Variants in GREB1L observed in about 807,000 individuals in gnomAD.
GREB1L encodes the protein GREB1-like protein.
In GREB1L, 17 loss-of-function variants were observed where a neutral mutation model predicts 200.8. That is an observed-to-expected ratio of 0.08 (90% confidence interval 0.06 to 0.13). The LOEUF is 0.13. GREB1L is among the 10% of genes least tolerant of loss of function. GREB1L has a pLI of 1.00. For synonymous variants in GREB1L, 789 were observed against 893.0 expected (o/e 0.88, Z 2.08); for missense variants, 1,657 against 2,367.7 (o/e 0.70, Z 6.23).
At chr18:21,280,819 A>G (rs2038256475) in intron 1 of GREB1L, among the ~76,000 whole-genome samples, 1 of 152,164 alleles carries the variant, frequency 6.6e-6, no homozygotes, top group Non-Finnish European at 1.5e-5. Flanking sequence ...AGAAGCTGTA[A>G]TCCATGCTTT....
intron 1 of GREB1L, among the ~76,000 whole-genome samples, chr18:21,321,960 A>G (rs2038958149): frequency 6.6e-6 from 1 of 152,232 alleles, no homozygotes; most frequent in Non-Finnish European, 1.5e-5. Flanking sequence ...GGAACATTCC[A>G]CATAAGGATG....
At chr18:21,482,831 C>T (rs190377788) in intron 17 of GREB1L, among the ~76,000 whole-genome samples, 69 of 152,026 alleles carry the variant, frequency 4.5e-4, no homozygotes, top group African/African-American at 1.5e-3. Context: ...CCTTCCACAG[C>T]GGGGAGTTTG....
At chr18:21,505,162 G>C (rs547653897) in intron 23 of GREB1L, among the ~76,000 whole-genome samples, 2 of 152,172 alleles carry the variant, frequency 1.3e-5, no homozygotes, top group South Asian at 2.1e-4. Context: ...TGGAGACTAG[G>C]TTATCTTACA....
At chr18:21,288,225 A>C (rs2038390024) in intron 1 of GREB1L, among the ~76,000 whole-genome samples, 1 of 152,142 alleles carries the variant, frequency 6.6e-6, no homozygotes, top group Admixed American at 6.5e-5. Flanking sequence ...AAATAGCCCC[A>C]AAAGCTTTTT....
intron 7 of GREB1L, among the ~76,000 whole-genome samples, chr18:21,417,674 C>T (rs560912349): frequency 4.6e-5 from 7 of 151,958 alleles, no homozygotes; most frequent in African/African-American, 1.2e-4. Flanking sequence ...GATGAAAATC[C>T]GAATCTTTAC....
chr18:21,481,423 G>T (rs2035908482), intron 17 of GREB1L, among the ~76,000 whole-genome samples: 1 of 148,806 alleles, frequency 6.7e-6, no homozygotes, highest in African/African-American at 2.5e-5. Context: ...GGATTTTTGA[G>T]CAACAGTATA....
chr18:21,435,168 G>C (rs998863661), intron 7 of GREB1L: 1 of 152,620 alleles, frequency 6.6e-6, no homozygotes, highest in Non-Finnish European at 1.5e-5. Context: ...GAAGAAAACA[G>C]AAGCTGCCTC....
At chr18:21,467,375 G>A (rs1248327005) in intron 15 of GREB1L, among the ~76,000 whole-genome samples, 2 of 152,108 alleles carry the variant, frequency 1.3e-5, no homozygotes, top group African/African-American at 2.4e-5. Context: ...CAATATTCAA[G>A]GACCTGTTAC....
At chr18:21,272,645 A>G (rs927125349) in intron 1 of GREB1L, among the ~76,000 whole-genome samples, 1 of 152,222 alleles carries the variant, frequency 6.6e-6, no homozygotes, top group African/African-American at 2.4e-5. Context: ...CTCTCCAGAC[A>G]ATAAGCAGCT....
rs757355788 is a variant in GREB1L, at chr18:21,485,601, G to A, written c.2557-19G>A. The A allele has an allele frequency of 1.6e-5, 24 of 1,547,792 alleles. No individual in the cohort carries two copies. The highest frequency in any genetic ancestry group is 2.0e-5 in the Non-Finnish European group (23 of 1,145,410). ...TGTATCCTGTCCTCATTGGGTTTTTGCTCTGTATTTTGAACCAGGAGGACG... is the reference window on the plus strand; with the variant it reads ...TGTATCCTGTCCTCATTGGGTTTTTACTCTGTATTTTGAACCAGGAGGACG... On this transcript the variant is annotated intron_variant, in intron 17 of 32. Transcript: ENST00000424526.
At chr18:21,520,017 A>G (rs1598965344) in intron 31 of GREB1L, among the ~76,000 whole-genome samples, 1 of 151,544 alleles carries the variant, frequency 6.6e-6, no homozygotes, top group East Asian at 1.9e-4. Context: ...GCTCAGTGCA[A>G]CCTCCACCTC....
chr18:21,420,900 T>C (rs2032093108), intron 7 of GREB1L, among the ~76,000 whole-genome samples: 1 of 152,136 alleles, frequency 6.6e-6, no homozygotes, highest in Non-Finnish European at 1.5e-5. Flanking sequence ...CTATAACAGG[T>C]GAATGGATAA....
intron 5 of GREB1L, among the ~76,000 whole-genome samples, chr18:21,397,658 GC>G (rs2041141010): frequency 1.3e-5 from 2 of 152,082 alleles, no homozygotes; most frequent in South Asian, 4.1e-4. Flanking sequence ...CCAAGATGGC[GC>G]CCCTGCACTC....
intron 1 of GREB1L, among the ~76,000 whole-genome samples, chr18:21,319,718 G>A (rs2038923852): frequency 6.6e-6 from 1 of 152,204 alleles, no homozygotes; most frequent in Non-Finnish European, 1.5e-5. Flanking sequence ...CCAGGGCATG[G>A]GTAGAGGCTT....
chr18:21,448,055 C>T (rs915396744), intron 11 of GREB1L, among the ~76,000 whole-genome samples: 21 of 151,114 alleles, frequency 1.4e-4, no homozygotes, highest in Non-Finnish European at 2.4e-4. Context: ...CCAGATACTC[C>T]GGAGGCTGAG....
At chr18:21,276,078 C>T (rs768687455) in intron 1 of GREB1L, among the ~76,000 whole-genome samples, 2 of 152,176 alleles carry the variant, frequency 1.3e-5, no homozygotes, top group Non-Finnish European at 2.9e-5. Flanking sequence ...TCCTCATTCT[C>T]ATTCTGTTTT....
chr18:21,312,128 A>G (rs2038801530), intron 1 of GREB1L, among the ~76,000 whole-genome samples: 1 of 152,146 alleles, frequency 6.6e-6, no homozygotes, highest in African/African-American at 2.4e-5. Context: ...CTCCAGCTCC[A>G]TCCATGTCCC....
At chr18:21,442,000 G>T (rs1282251676) in intron 10 of GREB1L, among the ~76,000 whole-genome samples, 4 of 152,212 alleles carry the variant, frequency 2.6e-5, no homozygotes, top group Non-Finnish European at 4.4e-5. Flanking sequence ...AGACATTCCA[G>T]TCAAAGGGAG....
At chr18:21,427,955 C>T (rs1402248007) in intron 7 of GREB1L, among the ~76,000 whole-genome samples, 4 of 151,824 alleles carry the variant, frequency 2.6e-5, no homozygotes, top group South Asian at 2.1e-4. Flanking sequence ...CTTTGGGAGG[C>T]GGAGGCGGGT....
Sources: gnomAD v4.1 joint callset for allele counts (sites outside exome capture counted in the v4.1 genomes callset) on GRCh38, gnomAD v4.1.1 for gene constraint, MANE v1.5 for transcripts, NCBI Gene and HGNC (gene_info 2026-07-23, HGNC 2026-07-21) for gene names.